VTI1A: variants seen among roughly 807,000 people sequenced by gnomAD.
VTI1A encodes the protein vesicle transport through interaction with t-SNAREs homolog 1A.
Under a neutral mutation model 34.9 loss-of-function variants are expected in VTI1A, and 22 were observed. The ratio of observed to expected loss-of-function variants is 0.63; its 90% CI spans 0.45 to 0.90. VTI1A has a LOEUF of 0.90. Ranked by LOEUF, VTI1A falls within the 40% of genes least tolerant of loss-of-function variation. The probability of loss-of-function intolerance (pLI) is 0.00; values close to 1 mark genes in which losing one functional copy is unlikely to be tolerated. For missense variants in VTI1A, 268 were observed against 275.6 expected (o/e 0.97, Z 0.20); for synonymous variants, 87 against 97.3 (o/e 0.89, Z 0.62).
At chr10:112,621,205 C>T (rs1845720407) in intron 5 of VTI1A, among the ~76,000 whole-genome samples, 1 of 152,210 alleles carries the variant, frequency 6.6e-6, no homozygotes, top group African/African-American at 2.4e-5. Context: ...GGAGGCGTTC[C>T]ACCAAAAGAT....
intron 5 of VTI1A, among the ~76,000 whole-genome samples, chr10:112,652,726 C>CAAA (rs779424975): frequency 1.9e-5 from 2 of 106,416 alleles, no homozygotes; most frequent in South Asian, 3.8e-4. Context: ...GACCTTGTCT[C>CAAA]AAAAAAAAAA....
At chr10:112,580,066 C>G (rs1843864045) in intron 5 of VTI1A, among the ~76,000 whole-genome samples, 2 of 151,970 alleles carry the variant, frequency 1.3e-5, no homozygotes. Context: ...TACGTTCAGG[C>G]TAGAGATCCC....
intron 7 of VTI1A, among the ~76,000 whole-genome samples, chr10:112,803,898 G>A (rs951847923): frequency 1.3e-5 from 2 of 152,212 alleles, no homozygotes; most frequent in Non-Finnish European, 2.9e-5. Context: ...TTCTCTTCAA[G>A]TTCTTTCCAA....
intron 7 of VTI1A, among the ~76,000 whole-genome samples, chr10:112,763,477 A>G (rs1851548186): frequency 6.6e-6 from 1 of 151,478 alleles, no homozygotes; most frequent in East Asian, 1.9e-4. Context: ...CTTTGTTACA[A>G]GTCTGATGTC....
chr10:112,710,131 A>G (rs965818137), intron 7 of VTI1A, among the ~76,000 whole-genome samples: 4 of 150,806 alleles, frequency 2.7e-5, no homozygotes, highest in Non-Finnish European at 5.9e-5. Context: ...TTCACATGGA[A>G]GGTGCTTGGT....
At chr10:112,534,866 T>C (rs1482310192) in intron 4 of VTI1A, among the ~76,000 whole-genome samples, 1 of 152,186 alleles carries the variant, frequency 6.6e-6, no homozygotes, top group African/African-American at 2.4e-5. Flanking sequence ...AGAATCTGAA[T>C]TTTCAAATGT....
chr10:112,635,126 G>A (rs1033697193), intron 5 of VTI1A, among the ~76,000 whole-genome samples: 2 of 152,194 alleles, frequency 1.3e-5, no homozygotes, highest in Non-Finnish European at 2.9e-5. Flanking sequence ...TTCATAATAT[G>A]AGCCAGGCAC....
At chr10:112,808,025 C>T (rs550592561) in intron 7 of VTI1A, among the ~76,000 whole-genome samples, 16 of 151,948 alleles carry the variant, frequency 1.1e-4, no homozygotes, top group African/African-American at 3.9e-4. Context: ...CAAGACCAGC[C>T]TGGGAAACAT....
At chr10:112,565,641 A>G (rs1290334594) in intron 5 of VTI1A, among the ~76,000 whole-genome samples, 1 of 152,196 alleles carries the variant, frequency 6.6e-6, no homozygotes, top group Admixed American at 6.5e-5. Flanking sequence ...ACTTTTCTAC[A>G]CATAGGCTGC....
At chr10:112,452,309 A>G (rs1847269478) in intron 1 of VTI1A, among the ~76,000 whole-genome samples, 1 of 152,106 alleles carries the variant, frequency 6.6e-6, no homozygotes, top group Non-Finnish European at 1.5e-5. Context: ...GGTGGCTCAC[A>G]CTGTAATCTC....
At chr10:112,467,973 A>T (rs929658584) in intron 3 of VTI1A, among the ~76,000 whole-genome samples, 2 of 152,240 alleles carry the variant, frequency 1.3e-5, no homozygotes, top group South Asian at 4.1e-4. Context: ...GACAACAAAC[A>T]AATACATACA....
At chr10:112,787,701 T>TTC (rs1554962562) in intron 7 of VTI1A, among the ~76,000 whole-genome samples, 138 of 86,868 alleles carry the variant, frequency 1.6e-3, no homozygotes, top group South Asian at 2.8e-3. Flanking sequence ...TTCTTTTCTT[T>TTC]TTTTTTTTTT....
intron 7 of VTI1A, among the ~76,000 whole-genome samples, chr10:112,770,885 G>T (rs1363119177): frequency 6.6e-6 from 1 of 152,046 alleles, no homozygotes; most frequent in Non-Finnish European, 1.5e-5. Context: ...CAGGGGAAAA[G>T]GTGACCCTTC....
At chr10:112,534,238 T>C (rs1165565005) in intron 4 of VTI1A, among the ~76,000 whole-genome samples, 1 of 152,190 alleles carries the variant, frequency 6.6e-6, no homozygotes, top group Non-Finnish European at 1.5e-5. Flanking sequence ...CTGCAATGTT[T>C]ATAATTGTAT....
At chr10:112,498,498 C>G (rs1035780151) in intron 3 of VTI1A, among the ~76,000 whole-genome samples, 1 of 151,700 alleles carries the variant, frequency 6.6e-6, no homozygotes, top group African/African-American at 2.4e-5. Context: ...TTCCTTACTT[C>G]TTAGAGTTCC....
Position 112,800,119 on chromosome 10 carries a change from A to T in VTI1A, c.561-15171A>T, listed in dbSNP as rs544295515. On this transcript the variant is annotated intron_variant, in intron 7 of 7. Transcript: ENST00000393077. ...TTAAATAAATGACTATTAAGTGGTA[A>T]GTATCGAATGTCAGATCTTAGAGGA... 3.9e-5 allele frequency among the ~76,000 whole-genome samples: 6 copies of T among 152,370 alleles called. 1 individual carries two copies. The highest frequency in any genetic ancestry group is 1.4e-4 in the African/African-American group (6 of 41,590).
At chr10:112,783,106 T>TA (rs1852183826) in intron 7 of VTI1A, among the ~76,000 whole-genome samples, 1 of 152,134 alleles carries the variant, frequency 6.6e-6, no homozygotes, top group African/African-American at 2.4e-5. Context: ...AAGCCATAAT[T>TA]AAGTGAAGAC....
At chr10:112,481,617 T>C (rs1254222930) in intron 3 of VTI1A, among the ~76,000 whole-genome samples, 3 of 152,196 alleles carry the variant, frequency 2.0e-5, no homozygotes, top group Non-Finnish European at 4.4e-5. Flanking sequence ...CCCTGTGAAG[T>C]CTTGTAAGGC....
chr10:112,716,644 A>C (rs536015235), intron 7 of VTI1A, among the ~76,000 whole-genome samples: 15 of 152,164 alleles, frequency 9.9e-5, no homozygotes, highest in African/African-American at 3.6e-4. Context: ...TACTCTGAAA[A>C]TCCAAAATTC....
Sources: gnomAD v4.1 joint callset for allele counts (sites outside exome capture counted in the v4.1 genomes callset) on GRCh38, gnomAD v4.1.1 for gene constraint, MANE v1.5 for transcripts, NCBI Gene and HGNC (gene_info 2026-07-23, HGNC 2026-07-21) for gene names.